Variants in MGMT observed in about 807,000 individuals in gnomAD.
MGMT encodes the protein O-6-methylguanine-DNA methyltransferase, also known as methylated-DNA--protein-cysteine methyltransferase.
A neutral mutation model predicts 15.9 loss-of-function variants in MGMT; 14 were observed. The observed-to-expected ratio is 0.88, with a 90% CI of 0.58 to 1.37. The LOEUF (loss-of-function observed/expected upper bound fraction) is 1.37. Among genes scored for constraint, MGMT ranks in the 40% most tolerant of loss-of-function variants. The pLI, the probability that MGMT is intolerant of heterozygous loss-of-function variation, is 0.00. For synonymous variants in MGMT, 130 were observed against 118.2 expected, an observed-to-expected ratio of 1.10 and a Z score of -0.65; for missense variants, 282 against 268.1, an observed-to-expected ratio of 1.05 and a Z score of -0.36.
intron 2 of MGMT, among the ~76,000 whole-genome samples, chr10:129,654,144 C>G (rs1481798205): frequency 6.6e-6 from 1 of 152,180 alleles, no homozygotes; most frequent in East Asian, 1.9e-4. Flanking sequence ...GCTGGAGTAG[C>G]TGTGCTGATA....
At chr10:129,668,321 A>G (rs1847682705) in intron 2 of MGMT, among the ~76,000 whole-genome samples, 1 of 152,052 alleles carries the variant, frequency 6.6e-6, no homozygotes, top group Non-Finnish European at 1.5e-5. Flanking sequence ...AAGTATAAAA[A>G]CCATTCTTAG....
chr10:129,509,748 T>C (rs910645347), intron 1 of MGMT, among the ~76,000 whole-genome samples: 3 of 152,230 alleles, frequency 2.0e-5, no homozygotes, highest in Non-Finnish European at 4.4e-5. Context: ...GCTTGGTCCA[T>C]TGAAATCTAT....
In MGMT at chr10:129,523,702, A is replaced by T. The variant is rs1360125739; in HGVS notation, c.-12-12539A>T. Among the ~76,000 whole-genome samples the T allele has an allele frequency of 5.1e-5, 3 of 58,814 alleles. No homozygotes were observed. The East Asian group carries it at 1.6e-3, about 31-fold the overall frequency. 38.6% of individuals were successfully genotyped at this position (58,814 alleles called of 152,430 possible). On this transcript the variant is annotated intron_variant, in intron 1 of 4. Coordinates refer to ENST00000651593, the MANE Select transcript of MGMT (RefSeq NM_002412.5). ...CATTCCCGTTGTCTAGAGGCTGGGGAGCACCATTTGATTTTAAAGGACAGC... is the reference window on the plus strand; with the variant it reads ...CATTCCCGTTGTCTAGAGGCTGGGGTGCACCATTTGATTTTAAAGGACAGC...
chr10:129,585,457 C>A (rs1348840908), intron 2 of MGMT, among the ~76,000 whole-genome samples: 1 of 152,192 alleles, frequency 6.6e-6, no homozygotes, highest in African/African-American at 2.4e-5. Context: ...CCCTTGGTAT[C>A]CCTGAGGGGT....
chr10:129,602,497 T>C (rs1306200371), intron 2 of MGMT, among the ~76,000 whole-genome samples: 6 of 152,186 alleles, frequency 3.9e-5, no homozygotes, highest in African/African-American at 1.4e-4. Flanking sequence ...GGAAGTTGCT[T>C]GTACTGTGCC....
chr10:129,598,313 G>T (rs117498594), intron 2 of MGMT, among the ~76,000 whole-genome samples: 5 of 152,192 alleles, frequency 3.3e-5, no homozygotes, highest in Admixed American at 3.3e-4. Flanking sequence ...CTGTGGAACC[G>T]TGGGCAAGTC....
chr10:129,744,829 C>T (rs1287127274), intron 3 of MGMT, among the ~76,000 whole-genome samples: 1 of 152,228 alleles, frequency 6.6e-6, no homozygotes, highest in Non-Finnish European at 1.5e-5. Flanking sequence ...GATCTGTAGG[C>T]CCTGGTTGTG....
At chr10:129,652,264 G>T (rs973602110) in intron 2 of MGMT, among the ~76,000 whole-genome samples, 1 of 152,242 alleles carries the variant, frequency 6.6e-6, no homozygotes, top group Non-Finnish European at 1.5e-5. Flanking sequence ...AGAACTGGGG[G>T]GCTCGGCCTC....
chr10:129,612,707 A>C (rs1011334569), intron 2 of MGMT, among the ~76,000 whole-genome samples: 1 of 152,236 alleles, frequency 6.6e-6, no homozygotes, highest in Non-Finnish European at 1.5e-5. Flanking sequence ...GGCAGCACTT[A>C]ACCAGGGCAC....
intron 1 of MGMT, among the ~76,000 whole-genome samples, chr10:129,490,667 T>C (rs1030385127): frequency 6.6e-6 from 1 of 152,192 alleles, no homozygotes; most frequent in African/African-American, 2.4e-5. Context: ...AGTCTTTATT[T>C]TTTAATTATT....
chr10:129,535,867 C>G (rs1292005134), intron 1 of MGMT, among the ~76,000 whole-genome samples: 2 of 152,142 alleles, frequency 1.3e-5, no homozygotes, highest in Non-Finnish European at 2.9e-5. Context: ...GATTTATTGT[C>G]TGTGGTAGTT....
At chr10:129,580,822 C>T (rs539959958) in intron 2 of MGMT, among the ~76,000 whole-genome samples, 3 of 152,316 alleles carry the variant, frequency 2.0e-5, no homozygotes, top group Admixed American at 6.5e-5. Flanking sequence ...TGTGTGCTTC[C>T]GTTTTGTTGA....
chr10:129,501,055 G>A (rs1166725964), intron 1 of MGMT, among the ~76,000 whole-genome samples: 1 of 152,170 alleles, frequency 6.6e-6, no homozygotes, highest in Non-Finnish European at 1.5e-5. Context: ...TCACTTCCTG[G>A]TGTCAGAGTC....
chr10:129,606,282 G>T (rs1341193283), intron 2 of MGMT, among the ~76,000 whole-genome samples: 1 of 152,192 alleles, frequency 6.6e-6, no homozygotes, highest in African/African-American at 2.4e-5. Context: ...CCTGTCTGGC[G>T]CTCCGTTCCT....
intron 2 of MGMT, among the ~76,000 whole-genome samples, chr10:129,623,939 G>A (rs1847117630): frequency 6.6e-6 from 1 of 152,218 alleles, no homozygotes; most frequent in Non-Finnish European, 1.5e-5. Context: ...TCTCAGCCAA[G>A]GCGATTGCCT....
chr10:129,478,704 C>G (rs1211963678), intron 1 of MGMT, among the ~76,000 whole-genome samples: 1 of 152,222 alleles, frequency 6.6e-6, no homozygotes, highest in Non-Finnish European at 1.5e-5. Flanking sequence ...GCAGTGCAGG[C>G]TGGCACTGTG....
intron 2 of MGMT, among the ~76,000 whole-genome samples, chr10:129,609,340 A>T (rs1054335113): frequency 6.6e-6 from 1 of 150,756 alleles, no homozygotes; most frequent in Non-Finnish European, 1.5e-5. Context: ...CTCTGGCCCC[A>T]TCCGGATGAT....
intron 1 of MGMT, among the ~76,000 whole-genome samples, chr10:129,497,197 C>T (rs1157195141): frequency 1.3e-5 from 2 of 152,218 alleles, no homozygotes; most frequent in African/African-American, 2.4e-5. Flanking sequence ...GCTCGTACCA[C>T]TCCCCCGTCT....
intron 1 of MGMT, among the ~76,000 whole-genome samples, chr10:129,529,325 C>T (rs1011467224): frequency 6.6e-6 from 1 of 152,028 alleles, no homozygotes; most frequent in Non-Finnish European, 1.5e-5. Context: ...AACTTTTCCA[C>T]AGATGGGAGT....
Sources: gnomAD v4.1 joint callset for allele counts (sites outside exome capture counted in the v4.1 genomes callset) on GRCh38, gnomAD v4.1.1 for gene constraint, MANE v1.5 for transcripts, NCBI Gene and HGNC (gene_info 2026-07-23, HGNC 2026-07-21) for gene names.